EVPLL: variants seen among roughly 807,000 people sequenced by gnomAD.
EVPLL encodes the protein envoplakin like.
A neutral mutation model predicts 46.2 loss-of-function variants in EVPLL; 39 were observed. That is an observed-to-expected ratio of 0.84 (90% CI 0.65 to 1.10). EVPLL has a LOEUF of 1.10. Ranked by LOEUF, EVPLL falls within the 50% of genes least tolerant of loss-of-function variation. EVPLL has a pLI of 0.00. For synonymous variants in EVPLL, 156 were observed against 165.8 expected, an observed-to-expected ratio of 0.94 and a Z score of 0.46; for missense variants, 385 against 412.6, an observed-to-expected ratio of 0.93 and a Z score of 0.58.
rs1987429938 is a variant in EVPLL at position 18,377,812 on chromosome 17, G to GTTGC, written c.-208_-207insTTGC. ...AGCTGACCAGCCAGCAAGGACGCCC[G>GTTGC]CTGCCTCCCACCTGCCCTCCTGCCC... On this transcript the variant is annotated 5_prime_UTR_variant, in exon 1 of 11. Coordinates refer to ENST00000399134, the MANE Select transcript of EVPLL (RefSeq NM_001145127.2). 1.6e-6 allele frequency: 1 copy of GTTGC among 616,238 alleles called. No individual in the cohort carries two copies. Among genetic ancestry groups the GTTGC allele is most frequent in the South Asian group, 1.8e-5 (1 of 54,338 alleles). 38.2% of individuals were successfully genotyped at this position (616,238 alleles called of 1,614,324 possible).
At chr17:18,388,073 T>C in intron 9 of EVPLL, 146 bp from the exon 10 acceptor site, 1 of 284,320 alleles carries the variant, frequency 3.5e-6, no homozygotes, top group Non-Finnish European at 6.6e-6. Context: ...TAAAATTTAT[T>C]TATAGTGTGT....
At chr17:18,388,041 T>TAC (rs1298458524) in intron 9 of EVPLL, 178 bp from the exon 10 acceptor site, 13 of 177,792 alleles carry the variant, frequency 7.3e-5, no homozygotes, top group Non-Finnish European at 1.4e-4. Context: ...TATATATATA[T>TAC]ACATATATAT....
rs530462456 is a variant in EVPLL at position 18,383,475 on chromosome 17, C to A, written c.781-17C>A. The A allele has an allele frequency of 3.8e-6, 6 of 1,559,276 alleles. No homozygotes were observed. Among genetic ancestry groups the A allele is most frequent in the Non-Finnish European group, 4.3e-6 (5 of 1,152,108 alleles). On this transcript the variant is annotated splice_polypyrimidine_tract_variant and intron_variant, in intron 8 of 10. Transcript: ENST00000399134. ...GGGGCGGGGCGTGGTCCGAGGGCTC[C>A]GTGCTGCGGTACCCAGGCCCACCAG...
chr17:18,384,428 T>G (rs1362654344), intron 9 of EVPLL, among the ~76,000 whole-genome samples: 1 of 143,920 alleles, frequency 6.9e-6, no homozygotes, highest in African/African-American at 2.6e-5. Flanking sequence ...AGACTGTGAC[T>G]CTGTCTTAAA....
Position 18,383,587 on chromosome 17 carries a change from G to C in EVPLL, c.876G>C (p.Arg292=). The C allele has an allele frequency of 1.3e-6, 2 of 1,509,152 alleles. No individual in the cohort carries two copies. Among genetic ancestry groups the C allele is most frequent in the Non-Finnish European group, 1.8e-6 (2 of 1,128,946 alleles). 93.5% of individuals were successfully genotyped at this position (1,509,152 alleles called of 1,614,324 possible). The change falls in exon 9 of 11, where the codon CGG becomes CGC. Residue 292 remains arginine (R), a splice_region_variant and synonymous_variant. Transcript: ENST00000399134. ...TQLQHVEDYS[R]ILCPSSSPH ...TCCAGCACGTGGAGGACTACAGCCG[G>C]GTGAGCCCTCGGGCAGCGGCAGGGC...
At chr17:18,385,236 C>A (rs1598099344) in intron 9 of EVPLL, among the ~76,000 whole-genome samples, 1 of 108,686 alleles carries the variant, frequency 9.2e-6, no homozygotes, top group Non-Finnish European at 2.0e-5. Context: ...TGCCCTTCCT[C>A]ACTGGATTTT....
At chr17:18,388,598 G>A (rs1422683938) in intron 10 of EVPLL, 6 of 181,390 alleles carry the variant, frequency 3.3e-5, no homozygotes, top group East Asian at 2.4e-4. Context: ...TGGCACAAGC[G>A]TGAAGCTCAG....
rs1001591920 is a variant in EVPLL, at chr17:18,382,592, A to C, written c.426A>C (p.Glu142Asp). 10 of 1,551,768 alleles carry C rather than the reference A, an allele frequency of 6.4e-6. No individual in the cohort carries two copies. The African/African-American group carries it at 1.1e-4, about 17-fold the overall frequency. Residue 142 changes from glutamate (E) to aspartate (D), a missense_variant, in exon 5 of 11, where the codon GAA becomes GAC. By Grantham distance (45) the Glu-to-Asp change is conservative. Transcript: ENST00000399134. ...GTDRGAQHRAEGDQRPRRAAA... is the reference protein window; with the variant it reads ...GTDRGAQHRADGDQRPRRAAA... ...ATCGCGGAGCTCAACATCGTGCAGA[A>C]GGAGATCAACGACCAAGGAGAGCAG...
Position 18,381,111 on chromosome 17 carries a change from A to G in EVPLL, c.63+111A>G, listed in dbSNP as rs753760256. On this transcript the variant is annotated intron_variant, in intron 2 of 10. Coordinates refer to ENST00000399134, the MANE Select transcript of EVPLL (RefSeq NM_001145127.2). The surrounding 1 kb of genome is among the most constrained non-coding windows in gnomAD (Gnocchi z 4.2). ...CCCCTGGTGATGGTGAAGATGGGACAGATGACATTTGTCCTGCACCGCCTG... is the reference window on the plus strand; with the variant it reads ...CCCCTGGTGATGGTGAAGATGGGACGGATGACATTTGTCCTGCACCGCCTG... The G allele has an allele frequency of 3.3e-4, 458 of 1,375,824 alleles. No individual in the cohort carries two copies. Among genetic ancestry groups the G allele is most frequent in the Non-Finnish European group, 4.2e-4 (414 of 995,706 alleles). 85.2% of individuals were successfully genotyped at this position (1,375,824 alleles called of 1,614,324 possible).
At chr17:18,386,961 C>G (rs1461442316) in intron 9 of EVPLL, among the ~76,000 whole-genome samples, 2 of 150,420 alleles carry the variant, frequency 1.3e-5, no homozygotes, top group East Asian at 2.0e-4. Context: ...GTGGCCTGAT[C>G]TCTGCTCACT....
intron 9 of EVPLL, chr17:18,386,269 T>A (rs546833573): frequency 1.2e-3 from 178 of 152,290 alleles, no homozygotes; most frequent in African/African-American, 4.2e-3. Flanking sequence ...TATAAGGACA[T>A]CAGTCATATT....
intron 1 of EVPLL, among the ~76,000 whole-genome samples, chr17:18,378,530 G>A (rs1987456327): frequency 6.6e-6 from 1 of 152,180 alleles, no homozygotes; most frequent in Non-Finnish European, 1.5e-5. Context: ...AGGGGTTCAT[G>A]GCTGGGCGCG....
Position 18,377,827 on chromosome 17 carries a change from C to A in EVPLL, c.-193C>A. On this transcript the variant is annotated 5_prime_UTR_variant, in exon 1 of 11. Transcript: ENST00000399134. ...AAGGACGCCCGCTGCCTCCCACCTG[C>A]CCTCCTGCCCTCCTTCACCAGCCAA... The A allele has an allele frequency of 1.5e-6, 1 of 666,178 alleles. No homozygotes were observed. 41.3% of individuals were successfully genotyped at this position (666,178 alleles called of 1,614,324 possible).
rs1987605044 is a variant in EVPLL, at chr17:18,382,315, A to G, written c.347-198A>G. 4 of 538,350 alleles carry G rather than the reference A, an allele frequency of 7.4e-6. No individual in the cohort carries two copies. The African/African-American group carries it at 7.7e-5, about 10-fold the overall frequency. The allele number at this position is 538,350 out of a possible 1,614,324, so 33.3% of individuals were successfully genotyped here. A position where few individuals can be genotyped will look rare whatever the true frequency, so the allele number is the denominator to read the frequency against. The stretch of plus-strand genomic sequence containing the variant: ...CAGTGGGACTCAGGGGCCACTGCAG[A>G]ATGGCCTCTGCAGTGGCCACCCTGC... On this transcript the variant is annotated intron_variant, in intron 4 of 10. Transcript: ENST00000399134.
Position 18,383,032 on chromosome 17 carries a change from C to T in EVPLL, c.519C>T (p.Gly173=), listed in dbSNP as rs1242007941. The change falls in exon 7 of 11, where the codon GGC becomes GGT. Residue 173 remains glycine, a synonymous_variant. Coordinates refer to ENST00000399134, the MANE Select transcript of EVPLL (RefSeq NM_001145127.2). The part of the protein sequence containing the change: ...PEPIPRPTEG[G]VVARAEPGQP... ...GGCGGGTCCTGAGCACAGAGGGCGG[C>T]GTCGTGGCGCGGGCAGAGCCTGGGC... 1.9e-6 allele frequency: 3 copies of T among 1,556,988 alleles called. No individual in the cohort carries two copies. Among genetic ancestry groups the T allele is most frequent in the African/African-American group, 2.7e-5 (2 of 73,686 alleles).
At chr17:18,386,906 T>A (rs1268334948) in intron 9 of EVPLL, among the ~76,000 whole-genome samples, 1 of 150,676 alleles carries the variant, frequency 6.6e-6, no homozygotes, top group Non-Finnish European at 1.5e-5. Flanking sequence ...TTTTTTTTTT[T>A]TTTTTTGAGA....
intron 9 of EVPLL, among the ~76,000 whole-genome samples, chr17:18,386,932 T>C (rs1987784318): frequency 6.6e-6 from 1 of 151,028 alleles, no homozygotes; most frequent in Admixed American, 6.6e-5. Context: ...TCTTGCTCTG[T>C]CGCCCAGGCT....
intron 1 of EVPLL, among the ~76,000 whole-genome samples, chr17:18,379,236 A>G (rs1337672992): frequency 6.6e-6 from 1 of 152,196 alleles, no homozygotes; most frequent in Non-Finnish European, 1.5e-5. Flanking sequence ...GCTTCAGCTC[A>G]TCTGCAGAGG....
chr17:18,385,528 C>T (rs1264516568), intron 9 of EVPLL, among the ~76,000 whole-genome samples: 1 of 143,408 alleles, frequency 7.0e-6, no homozygotes, highest in Non-Finnish European at 1.5e-5. Context: ...CATTTCCTAA[C>T]AGATACATTC....
Sources: gnomAD v4.1 joint callset for allele counts (sites outside exome capture counted in the v4.1 genomes callset) on GRCh38, gnomAD v4.1.1 for gene constraint, Gnocchi (gnomAD v3.1) non-coding constraint, MANE v1.5 for transcripts, NCBI Gene and HGNC (gene_info 2026-07-23, HGNC 2026-07-21) for gene names.